Variants in SAMD12 observed in about 807,000 individuals in gnomAD.
SAMD12 encodes sterile alpha motif domain-containing protein 12.
SAMD12 carries 9 observed loss-of-function variants against 15.0 expected under a neutral mutation model. That is an observed-to-expected ratio of 0.60 (90% CI 0.36 to 1.05). The LOEUF (loss-of-function observed/expected upper bound fraction) is 1.05. SAMD12 is among the 50% of genes least tolerant of loss of function. The probability of loss-of-function intolerance (pLI) is 0.01; values close to 1 mark genes in which losing one functional copy is unlikely to be tolerated. For synonymous variants in SAMD12, 86 were observed against 90.1 expected (o/e 0.96, Z 0.25); for missense variants, 230 against 234.2 (o/e 0.98, Z 0.12).
chr8:118,249,034 A>C (rs2130004078), intron 4 of SAMD12, among the ~76,000 whole-genome samples: 1 of 152,270 alleles, frequency 6.6e-6, no homozygotes, highest in Middle Eastern at 3.4e-3. Flanking sequence ...CTGAAATAAA[A>C]CAATGCAGTA....
the SAMD12 span, among the ~76,000 whole-genome samples, chr8:118,162,983 T>C: frequency 6.6e-6 from 1 of 152,110 alleles, no homozygotes; most frequent in Non-Finnish European, 1.5e-5. Context: ...TTTGGAAGGA[T>C]ATTAGAGACC....
At chr8:118,479,715 C>T (rs1459963421) in intron 2 of SAMD12, among the ~76,000 whole-genome samples, 1 of 152,026 alleles carries the variant, frequency 6.6e-6, no homozygotes, top group Non-Finnish European at 1.5e-5. Flanking sequence ...TTCTCTGACC[C>T]ATTACTGCAT....
the SAMD12 span, among the ~76,000 whole-genome samples, chr8:118,147,449 C>A: frequency 6.6e-6 from 1 of 151,772 alleles, no homozygotes; most frequent in Admixed American, 6.6e-5. Context: ...CAACCTGCGC[C>A]TCCCCGGTTC....
At chr8:118,458,962 G>GTA (rs2130932636) in intron 2 of SAMD12, among the ~76,000 whole-genome samples, 1 of 151,112 alleles carries the variant, frequency 6.6e-6, no homozygotes, top group African/African-American at 2.4e-5. Context: ...GTGTGTGTGT[G>GTA]TGTGTGTGTG....
chr8:118,196,351 G>A (rs995840521), exon 5 of SAMD12: 1 of 152,302 alleles, frequency 6.6e-6, no homozygotes, highest in East Asian at 1.9e-4. Context: ...ACTTTGCTGA[G>A]CTTTCCATTC....
chr8:118,536,300 C>G (rs1490603458), intron 2 of SAMD12, among the ~76,000 whole-genome samples: 1 of 152,112 alleles, frequency 6.6e-6, no homozygotes, highest in Admixed American at 6.5e-5. Flanking sequence ...GCTTTCCTTG[C>G]CTTTCTCCCT....
At chr8:118,491,107 A>G (rs1053743673) in intron 2 of SAMD12, among the ~76,000 whole-genome samples, 3 of 152,258 alleles carry the variant, frequency 2.0e-5, no homozygotes, top group Non-Finnish European at 2.9e-5. Context: ...CACCTGTCCA[A>G]TGCATCATCT....
chr8:118,555,463 A>T (rs1826500645), intron 2 of SAMD12, among the ~76,000 whole-genome samples: 1 of 152,134 alleles, frequency 6.6e-6, no homozygotes, highest in South Asian at 2.1e-4. Flanking sequence ...AGCCAGCAGG[A>T]TTTCTCCTAG....
chr8:118,268,225 A>G (rs887471028), intron 4 of SAMD12, among the ~76,000 whole-genome samples: 8 of 152,226 alleles, frequency 5.3e-5, no homozygotes, highest in African/African-American at 1.9e-4. Flanking sequence ...CAGAGGATTT[A>G]ACTTTCCTCC....
chr8:118,189,396 T>C (rs1819298928), downstream of SAMD12: 1 of 152,090 alleles, frequency 6.6e-6, no homozygotes, highest in African/African-American at 2.4e-5. Context: ...CTGAAGAAAA[T>C]AGAAAAGTTT....
Position 118,379,543 on chromosome 8 carries a change from A to G in SAMD12, c.480T>C (p.Pro160=). Residue 160 remains proline, a synonymous_variant, in exon 4 of 4, where the codon CCT becomes CCC. Transcript: ENST00000314727. The part of the protein sequence containing the change: ...QLLTQGTLLL[P]DGWMDGEIRR... Reference sequence around the variant, plus strand: ...TAATCTCCCCATCCATCCACCCATCAGGAAGCAATAGGGTACCTTGTGTGA... The same window carrying G: ...TAATCTCCCCATCCATCCACCCATCGGGAAGCAATAGGGTACCTTGTGTGA... 9 of 1,613,878 alleles carry G rather than the reference A, an allele frequency of 5.6e-6. No individual in the cohort carries two copies. Among genetic ancestry groups the G allele is most frequent in the Non-Finnish European group, 5.9e-6 (7 of 1,179,832 alleles).
intron 4 of SAMD12, among the ~76,000 whole-genome samples, chr8:118,321,234 A>C (rs1816260112): frequency 7.1e-6 from 1 of 140,254 alleles, no homozygotes; most frequent in Non-Finnish European, 1.5e-5. Flanking sequence ...TGAGAAAGGA[A>C]TGGATCCAAG....
intron 4 of SAMD12, among the ~76,000 whole-genome samples, chr8:118,225,733 C>G (rs1446110653): frequency 6.6e-6 from 1 of 151,480 alleles, no homozygotes; most frequent in Non-Finnish European, 1.5e-5. Flanking sequence ...TAAAACAGTC[C>G]CCCTTTTCAA....
intron 3 of SAMD12, among the ~76,000 whole-genome samples, chr8:118,402,129 G>A (rs1017294033): frequency 6.6e-5 from 10 of 151,896 alleles, no homozygotes; most frequent in Middle Eastern, 3.2e-3. Flanking sequence ...GGAAGTTAGA[G>A]GAGAAGAAAA....
chr8:118,326,046 T>C (rs1380750084), intron 4 of SAMD12, among the ~76,000 whole-genome samples: 2 of 152,186 alleles, frequency 1.3e-5, no homozygotes, highest in Admixed American at 6.5e-5. Context: ...TGCTGAAGAA[T>C]GATGTGAAAT....
At chr8:118,492,122 C>CTTTTTTTTTT (rs543720456) in intron 2 of SAMD12, among the ~76,000 whole-genome samples, 1 of 132,152 alleles carries the variant, frequency 7.6e-6, no homozygotes, top group Non-Finnish European at 1.6e-5. Context: ...CTGGTGTTGC[C>CTTTTTTTTTT]TTTTTTTTTT....
chr8:118,183,127 A>G, the SAMD12 span, among the ~76,000 whole-genome samples: 1 of 152,226 alleles, frequency 6.6e-6, no homozygotes, highest in South Asian at 2.1e-4. Flanking sequence ...ACTTTGTACA[A>G]TCTCCTGTTG....
intron 4 of SAMD12, among the ~76,000 whole-genome samples, chr8:118,216,577 T>C (rs1361998697): frequency 6.6e-6 from 1 of 152,198 alleles, no homozygotes; most frequent in African/African-American, 2.4e-5. Flanking sequence ...ACAAGTTCTG[T>C]GAAGTAAGTA....
the SAMD12 span, among the ~76,000 whole-genome samples, chr8:118,166,506 C>T: frequency 6.6e-6 from 1 of 152,086 alleles, no homozygotes; most frequent in Non-Finnish European, 1.5e-5. Flanking sequence ...CCATATATTG[C>T]TCTGTCACAA....
Sources: gnomAD v4.1 joint callset for allele counts (sites outside exome capture counted in the v4.1 genomes callset) on GRCh38, gnomAD v4.1.1 for gene constraint, MANE v1.5 for transcripts, NCBI Gene and HGNC (gene_info 2026-07-23, HGNC 2026-07-21) for gene names.